Variants in CNTN4 observed in about 807,000 individuals in gnomAD.
CNTN4 encodes the protein contactin 4.
Under a neutral mutation model 122.5 loss-of-function variants are expected in CNTN4, and 77 were observed. The observed-to-expected ratio is 0.63, with a 90% CI of 0.52 to 0.76. CNTN4 has a LOEUF of 0.76. CNTN4 is among the 30% of genes least tolerant of loss of function. The pLI, the probability that CNTN4 is intolerant of heterozygous loss-of-function variation, is 0.00. For synonymous variants in CNTN4, 512 were observed against 447.0 expected (o/e 1.15, Z -1.83); for missense variants, 1,256 against 1,259.1 (o/e 1.00, Z 0.04).
At position 2,497,443 on chromosome 3, in the gene CNTN4, C is replaced by G. The variant is rs1013302680; in HGVS notation, c.-88-73973C>G. On this transcript the variant is annotated intron_variant, in intron 3 of 24. Transcript: ENST00000418658. ...ATCCAGAATGTGGTACATTTTCACA[C>G]CTACTGTTAGTAGTTCTCACCTTGA... 3.6e-4 allele frequency among the ~76,000 whole-genome samples: 55 copies of G among 152,234 alleles called. 1 individual carries two copies. The Middle Eastern group carries it at 0.01, about 28-fold the overall frequency.
intron 13 of CNTN4, among the ~76,000 whole-genome samples, chr3:2,941,904 C>G (rs577594171): frequency 2.0e-5 from 3 of 152,178 alleles, no homozygotes; most frequent in Admixed American, 2.0e-4. Flanking sequence ...CCTACCTGTA[C>G]GTGCCAGAGG....
chr3:2,969,711 C>G (rs1218765008), intron 13 of CNTN4, among the ~76,000 whole-genome samples: 2 of 152,086 alleles, frequency 1.3e-5, no homozygotes, highest in East Asian at 3.9e-4. Flanking sequence ...TGGTCATGGA[C>G]AGGCTAAAAC....
intron 4 of CNTN4, among the ~76,000 whole-genome samples, chr3:2,721,365 G>T (rs111936950): frequency 0.01 from 1,550 of 152,270 alleles, 25 homozygotes; most frequent in African/African-American, 0.035. Context: ...GAGTAACCAA[G>T]GCTTTTGGGG....
At chr3:2,457,334 A>G in intron 3 of CNTN4, among the ~76,000 whole-genome samples, 1 of 152,172 alleles carries the variant, frequency 6.6e-6, no homozygotes, top group East Asian at 1.9e-4. Context: ...GTTTTTCAAA[A>G]CAATATGTAT....
chr3:2,649,972 C>T (rs537659606), intron 4 of CNTN4, among the ~76,000 whole-genome samples: 3 of 149,046 alleles, frequency 2.0e-5, no homozygotes, highest in Admixed American at 6.8e-5. Flanking sequence ...ACTAAAAATA[C>T]AAATATATCT....
chr3:2,791,326 G>C (rs62232894), intron 6 of CNTN4, among the ~76,000 whole-genome samples: 12,912 of 152,140 alleles, frequency 0.085, 685 homozygotes, highest in African/African-American at 0.14. Flanking sequence ...GAGCCCAGGA[G>C]TTCGAGACTA....
At chr3:2,556,545 A>G (rs2078728275) in intron 3 of CNTN4, among the ~76,000 whole-genome samples, 1 of 152,144 alleles carries the variant, frequency 6.6e-6, no homozygotes, top group Non-Finnish European at 1.5e-5. Context: ...TTTATAAACC[A>G]TTTTCTTCCA....
chr3:2,193,119 C>T (rs949502919), intron 2 of CNTN4, among the ~76,000 whole-genome samples: 2 of 152,122 alleles, frequency 1.3e-5, no homozygotes, highest in African/African-American at 2.4e-5. Context: ...CCCATATTCT[C>T]CTGCAACACA....
chr3:2,775,299 G>A (rs1489761495), intron 6 of CNTN4, among the ~76,000 whole-genome samples: 4 of 152,002 alleles, frequency 2.6e-5, no homozygotes, highest in African/African-American at 4.8e-5. Flanking sequence ...CTCCTCCCGT[G>A]TTCTCCCACC....
At chr3:2,521,296 G>A (rs1173144380) in intron 3 of CNTN4, among the ~76,000 whole-genome samples, 2 of 151,408 alleles carry the variant, frequency 1.3e-5, no homozygotes, top group African/African-American at 4.9e-5. Context: ...ACTGAAGCAG[G>A]CCTCTGCTTC....
intron 4 of CNTN4, among the ~76,000 whole-genome samples, chr3:2,733,694 C>T (rs925801959): frequency 5.0e-4 from 76 of 151,846 alleles, no homozygotes; most frequent in Non-Finnish European, 9.6e-4. Context: ...CCACCATGCC[C>T]GGCTAATTTT....
chr3:2,539,079 A>T (rs573252385), intron 3 of CNTN4, among the ~76,000 whole-genome samples: 2 of 152,108 alleles, frequency 1.3e-5, no homozygotes, highest in South Asian at 4.1e-4. Context: ...AACTATCCTA[A>T]CCATAAGAAG....
At position 2,616,450 on chromosome 3, in the gene CNTN4, T is replaced by C. The variant is rs994475467; in HGVS notation, c.55+44892T>C. On this transcript the variant is annotated intron_variant, in intron 4 of 24. Transcript: ENST00000418658. ...GCTGAAATAAACATACATGTGCATA[T>C]GTCTTTATAGTAGAATGATTTATAT... 2.6e-5 allele frequency among the ~76,000 whole-genome samples: 4 copies of C among 152,348 alleles called. No individual in the cohort carries two copies. In the East Asian group the frequency reaches 7.7e-4, roughly 29 times the overall value.
intron 3 of CNTN4, among the ~76,000 whole-genome samples, chr3:2,466,975 T>C (rs1349108817): frequency 2.0e-5 from 3 of 148,758 alleles, no homozygotes; most frequent in Non-Finnish European, 4.5e-5. Flanking sequence ...TCTTTCTTTT[T>C]TTTTTTTTTT....
chr3:2,379,489 G>A (rs2045939925), intron 3 of CNTN4, among the ~76,000 whole-genome samples: 1 of 152,088 alleles, frequency 6.6e-6, no homozygotes, highest in Non-Finnish European at 1.5e-5. Context: ...AAAAGATGAA[G>A]ATATTGCATC....
intron 6 of CNTN4, among the ~76,000 whole-genome samples, chr3:2,796,726 C>T (rs1036101857): frequency 1.3e-5 from 2 of 152,152 alleles, no homozygotes; most frequent in African/African-American, 4.8e-5. Flanking sequence ...TACATAAGAT[C>T]CGGTGTTCTT....
chr3:2,894,354 C>T (rs1405708951), intron 10 of CNTN4, among the ~76,000 whole-genome samples: 1 of 152,124 alleles, frequency 6.6e-6, no homozygotes, highest in African/African-American at 2.4e-5. Context: ...CTACCATTGT[C>T]ATTTGTGTTA....
At chr3:2,279,511 A>G (rs1559407480) in intron 2 of CNTN4, among the ~76,000 whole-genome samples, 1 of 152,240 alleles carries the variant, frequency 6.6e-6, no homozygotes, top group Admixed American at 6.5e-5. Flanking sequence ...TCTGTGAAAC[A>G]GCAGACCTGG....
At chr3:2,656,823 T>G (rs2083611780) in intron 4 of CNTN4, among the ~76,000 whole-genome samples, 1 of 152,218 alleles carries the variant, frequency 6.6e-6, no homozygotes, top group African/African-American at 2.4e-5. Flanking sequence ...TCGTACCTTA[T>G]CAGCTGTCTT....
Sources: gnomAD v4.1 joint callset for allele counts (sites outside exome capture counted in the v4.1 genomes callset) on GRCh38, gnomAD v4.1.1 for gene constraint, MANE v1.5 for transcripts, NCBI Gene and HGNC (gene_info 2026-07-23, HGNC 2026-07-21) for gene names.